COX11: variants seen among roughly 807,000 people sequenced by gnomAD.
The protein encoded by COX11 is cytochrome c oxidase copper chaperone COX11.
In COX11, 18 loss-of-function variants were observed where a neutral mutation model predicts 29.4. That is an observed-to-expected ratio of 0.61 (90% CI 0.42 to 0.91). The LOEUF (loss-of-function observed/expected upper bound fraction) is 0.91, where lower values mean the gene tolerates loss of function less well. Ranked by LOEUF, COX11 falls within the 40% of genes least tolerant of loss-of-function variation. The probability of loss-of-function intolerance (pLI) is 0.00; values close to 1 mark genes in which losing one functional copy is unlikely to be tolerated. For missense variants in COX11, 312 were observed against 346.0 expected, an observed-to-expected ratio of 0.90 and a Z score of 0.78; for synonymous variants, 131 against 124.0, an observed-to-expected ratio of 1.06 and a Z score of -0.38.
chr17:54,960,683 T>C lies in COX11; in HGVS notation c.*2050A>G. The C allele has an allele frequency of 7.5e-7, 1 of 1,328,088 alleles. No homozygotes were observed. Among genetic ancestry groups the C allele is most frequent in the South Asian group, 1.2e-5 (1 of 84,488 alleles). The allele number at this position is 1,328,088 out of a possible 1,614,324, so 82.3% of individuals were successfully genotyped here. A position where few individuals can be genotyped will look rare whatever the true frequency, so the allele number is the denominator to read the frequency against. ...CATATTCCATATAATTTCAGTATAATTATCACTTTACATATTTAGTATTTA... is the reference window on the plus strand; with the variant it reads ...CATATTCCATATAATTTCAGTATAACTATCACTTTACATATTTAGTATTTA... On this transcript the variant is annotated 3_prime_UTR_variant, in exon 4 of 4. Transcript: ENST00000299335.
rs373919409 is a variant in COX11, at chr17:54,968,651, C to T, written c.-5G>A. 82 of 1,608,262 alleles carry T rather than the reference C, an allele frequency of 5.1e-5. No individual in the cohort carries two copies. The African/African-American group carries it at 9.5e-4, about 19-fold the overall frequency. ...AGGACGCCAGAGCCCTCCCATAACC[C>T]TCTGAACTAACACCCACCCGCCTCT... On this transcript the variant is annotated 5_prime_UTR_variant, in exon 1 of 4. Coordinates refer to ENST00000299335, the MANE Select transcript of COX11 (RefSeq NM_004375.5).
chr17:54,952,742 G>C (rs570307010), exon 1 of COX11: 18 of 152,206 alleles, frequency 1.2e-4, no homozygotes, highest in Non-Finnish European at 5.9e-5. Flanking sequence ...CAATTATCTA[G>C]TACCGCATTA....
chr17:54,959,699 T>C (rs187157881), downstream of COX11, among the ~76,000 whole-genome samples: 402 of 150,072 alleles, frequency 2.7e-3, 1 homozygote, highest in Non-Finnish European at 4.7e-3. Flanking sequence ...CTCACTGCAA[T>C]CTCCGCCTCC....
downstream of COX11, chr17:54,959,194 G>C (rs1567850973): frequency 6.6e-6 from 1 of 152,178 alleles, no homozygotes; most frequent in Non-Finnish European, 1.5e-5. Context: ...TGAACTTGGT[G>C]ATCATGGTTT....
chr17:54,965,329 T>C (rs2077198871), intron 1 of COX11, among the ~76,000 whole-genome samples: 1 of 152,246 alleles, frequency 6.6e-6, no homozygotes, highest in Non-Finnish European at 1.5e-5. Context: ...CCAAATAAGA[T>C]TGTAGCTTCA....
chr17:54,962,619 T>C lies in COX11; in HGVS notation c.*114A>G. ...GTGAAAAAAATTAGTTGAGAAAAAA[T>C]AATTATTTAAAATATAAGCCTTCAT... On this transcript the variant is annotated 3_prime_UTR_variant, in exon 4 of 4. Coordinates refer to ENST00000299335, the MANE Select transcript of COX11 (RefSeq NM_004375.5). 7.2e-7 allele frequency: 1 copy of C among 1,385,478 alleles called. No homozygotes were observed. Among genetic ancestry groups the C allele is most frequent in the Non-Finnish European group, 9.5e-7 (1 of 1,057,112 alleles). 85.8% of individuals were successfully genotyped at this position (1,385,478 alleles called of 1,614,324 possible).
chr17:54,963,354 T>A lies in COX11; in HGVS notation c.600A>T (p.Thr200=), dbSNP rs769390299. The A allele has an allele frequency of 5.6e-6, 9 of 1,612,448 alleles. No homozygotes were observed. The highest frequency in any genetic ancestry group is 7.6e-6 in the Non-Finnish European group (9 of 1,179,012). Residue 200 remains threonine, a synonymous_variant, in exon 3 of 4, where the codon ACA becomes ACT. Transcript: ENST00000299335. ...CAGCTTCAAATGGAACAATATTGTA[T>A]GTAGAAATTCCAATTACTGGTTTGT... ...PTDKPVIGIS[T]YNIVPFEAGQ... is the part of the protein sequence containing the mutation.
Position 54,968,594 on chromosome 17 carries a change from C to T in COX11, c.53G>A (p.Arg18His). ...GWRCVPFCGW[R>H]WIHPGSPTRA... is the part of the protein sequence containing the mutation. ...GGTTGGAGACCCAGGGTGGATCCAG[C>T]GCCAGCCACAGAAAGGAACGCACCT... The change falls in exon 1 of 4, where the codon CGC becomes CAC. Residue 18 changes from arginine (R) to histidine (H), a missense_variant. Around this residue, in one of 2 missense-constraint regions of COX11, gnomAD observed 130 missense variants for 106.0 expected, o/e 1.23. Coordinates refer to ENST00000299335, the MANE Select transcript of COX11 (RefSeq NM_004375.5). 3 of 1,612,922 alleles carry T rather than the reference C, an allele frequency of 1.9e-6. No homozygotes were observed. The highest frequency in any genetic ancestry group is 2.5e-6 in the Non-Finnish European group (3 of 1,179,996).
At chr17:54,964,480 C>T in intron 2 of COX11, 3 of 511,754 alleles carry the variant, frequency 5.9e-6, no homozygotes, top group Non-Finnish European at 6.8e-6. Context: ...TTTTTTATTC[C>T]CATAGACTAC....
At chr17:54,965,987 C>T (rs1462742814) in intron 1 of COX11, among the ~76,000 whole-genome samples, 1 of 152,134 alleles carries the variant, frequency 6.6e-6, no homozygotes, top group Non-Finnish European at 1.5e-5. Context: ...CAGCAAGATA[C>T]AGTGTTTTAG....
downstream of COX11, chr17:54,959,051 G>A (rs1409056078): frequency 6.6e-6 from 1 of 152,190 alleles, no homozygotes; most frequent in African/African-American, 2.4e-5. Flanking sequence ...GACATTTAAT[G>A]TATTAAGAAT....
At chr17:54,954,393 T>C (rs781048131) in exon 1 of COX11, 15 of 152,212 alleles carry the variant, frequency 9.9e-5, no homozygotes, top group Non-Finnish European at 1.8e-4. Context: ...CCAACAGGCA[T>C]GCTCTGAGTG....
At chr17:54,959,681 G>C (rs764047527), downstream of COX11, among the ~76,000 whole-genome samples, 12 of 148,602 alleles carry the variant, frequency 8.1e-5, no homozygotes, top group Non-Finnish European at 1.6e-4. Flanking sequence ...GCAGTGGCAC[G>C]ATCTCAGCTC....
chr17:54,956,496 C>A (rs891065378), downstream of COX11, among the ~76,000 whole-genome samples: 1 of 152,130 alleles, frequency 6.6e-6, no homozygotes, highest in Non-Finnish European at 1.5e-5. Context: ...TTAGTAGAGA[C>A]AGGGTTTTGC....
rs77143005 is a variant in COX11, at chr17:54,968,548, C to T, written c.99G>A (p.Glu33=). The T allele has an allele frequency of 1.9e-6, 3 of 1,613,136 alleles. No homozygotes were observed. Among genetic ancestry groups the T allele is most frequent in the East Asian group, 2.2e-5 (1 of 44,844 alleles). ...GSPTRAAERV[E]PFLRPEWSGT... ...CACTCCACTCTGGCCTAAGAAACGGCTCTACCCTCTCTGCAGCCCTGGTTG... is the reference window on the plus strand; with the variant it reads ...CACTCCACTCTGGCCTAAGAAACGGTTCTACCCTCTCTGCAGCCCTGGTTG... Residue 33 remains glutamate (E), a synonymous_variant, in exon 1 of 4, where the codon GAG becomes GAA. Coordinates refer to ENST00000299335, the MANE Select transcript of COX11 (RefSeq NM_004375.5).
chr17:54,959,336 G>C, downstream of COX11: 1 of 152,170 alleles, frequency 6.6e-6, no homozygotes, highest in East Asian at 1.9e-4. Flanking sequence ...GAATGGGCCT[G>C]GCATGGTGGC....
chr17:54,955,959 T>C (rs894117296), downstream of COX11, among the ~76,000 whole-genome samples: 16 of 152,112 alleles, frequency 1.1e-4, no homozygotes, highest in African/African-American at 3.4e-4. Context: ...CTAGTCTCCT[T>C]CTTGGCAACT....
At chr17:54,954,570 G>A (rs2049397278) in exon 1 of COX11, 1 of 152,238 alleles carries the variant, frequency 6.6e-6, no homozygotes, top group Non-Finnish European at 1.5e-5. Flanking sequence ...TTCCCTGGAG[G>A]TGCAGAGGGT....
chr17:54,954,275 A>G (rs943063856), exon 1 of COX11: 23 of 152,310 alleles, frequency 1.5e-4, no homozygotes, highest in African/African-American at 5.5e-4. Flanking sequence ...TCTCCATATG[A>G]GAGTTACGAA....
Sources: allele counts gnomAD v4.1 joint callset (sites outside exome capture counted in the v4.1 genomes callset), GRCh38; gene constraint gnomAD v4.1.1; regional missense constraint gnomAD v4.1.1; transcripts MANE v1.5; gene names NCBI Gene and HGNC (gene_info 2026-07-23, HGNC 2026-07-21).